Variants in EXOC3 observed in about 807,000 individuals in gnomAD.
EXOC3 encodes the protein SEC6-like 1.
A neutral mutation model predicts 73.7 loss-of-function variants in EXOC3; 21 were observed. The ratio of observed to expected loss-of-function variants is 0.29; its 90% CI spans 0.20 to 0.41. The LOEUF (loss-of-function observed/expected upper bound fraction) is 0.41, where lower values mean the gene tolerates loss of function less well. Ranked by LOEUF, EXOC3 falls within the 10% of genes least tolerant of loss-of-function variation. EXOC3 has a pLI of 1.00. For missense variants in EXOC3, 842 were observed against 985.1 expected (o/e 0.85, Z 1.95); for synonymous variants, 410 against 389.1 (o/e 1.05, Z -0.63).
chr5:452,986 G>A (rs1398760028), intron 3 of EXOC3, among the ~76,000 whole-genome samples: 1 of 152,234 alleles, frequency 6.6e-6, no homozygotes, highest in Non-Finnish European at 1.5e-5. Context: ...TCTGTGGTCA[G>A]AAGCAGCAGT....
chr5:451,387 A>C (rs544541553), intron 3 of EXOC3, among the ~76,000 whole-genome samples: 1 of 152,362 alleles, frequency 6.6e-6, no homozygotes, highest in Admixed American at 6.5e-5. Flanking sequence ...TCATGTGTCC[A>C]AAATCATAGA....
rs780523422 is a variant in EXOC3, at chr5:453,984, G to A, written c.979G>A (p.Ala327Thr). The A allele has an allele frequency of 5.0e-6, 8 of 1,613,714 alleles. No homozygotes were observed. Among genetic ancestry groups the A allele is most frequent in the East Asian group, 2.2e-5 (1 of 44,866 alleles). ...QALSTRMQDL[A>T]SEDLEANEIV... ...CCTGAGCACGCGGATGCAGGACCTCGCATCGGAAGACCTGGAAGCCAATGA... is the reference window on the plus strand; with the variant it reads ...CCTGAGCACGCGGATGCAGGACCTCACATCGGAAGACCTGGAAGCCAATGA... Residue 327 changes from alanine (A) to threonine (T), a missense_variant, in exon 4 of 13, where the codon GCA (alanine) becomes ACA (threonine). By Grantham distance (58) the Ala-to-Thr change is moderately conservative. Coordinates refer to ENST00000512944, the MANE Select transcript of EXOC3 (RefSeq NM_007277.5).
At position 465,573 on chromosome 5, in the gene EXOC3, C is replaced by T. The variant is rs772458830; in HGVS notation, c.1939-145C>T. The stretch of plus-strand genomic sequence containing the variant: ...CTCGCCCTCACCCCAGACCCCTGGC[C>T]CTGTCACTGAGCTTTCAGAGTAGAT... On this transcript the variant is annotated intron_variant, in intron 11 of 12. Transcript: ENST00000512944. 275 of 1,059,296 alleles carry T rather than the reference C, an allele frequency of 2.6e-4. 1 individual carries two copies. The highest frequency in any genetic ancestry group is 1.7e-3 in the Admixed American group (76 of 43,682). 65.6% of individuals were successfully genotyped at this position (1,059,296 alleles called of 1,614,324 possible).
At chr5:461,863 G>C in intron 7 of EXOC3, 97 bp from the exon 8 acceptor site, 1 of 753,268 alleles carries the variant, frequency 1.3e-6, no homozygotes, top group Non-Finnish European at 2.3e-6. Flanking sequence ...AGATGTTAGT[G>C]ATGTGAAATT....
rs1196319558 is a variant in EXOC3 at position 467,197 on chromosome 5, G to C, written c.*299G>C. On this transcript the variant is annotated 3_prime_UTR_variant, in exon 13 of 13. Coordinates refer to ENST00000512944, the MANE Select transcript of EXOC3 (RefSeq NM_007277.5). ...GGGCACAGAGGACGTGCACCTCCCTGCCCTCCTCCTCCCTGGGCCTTCACC... is the reference window on the plus strand; with the variant it reads ...GGGCACAGAGGACGTGCACCTCCCTCCCCTCCTCCTCCCTGGGCCTTCACC... The C allele has an allele frequency of 2.7e-6, 1 of 371,192 alleles. No individual in the cohort carries two copies. The allele number at this position is 371,192 out of a possible 1,614,324, so 23.0% of individuals were successfully genotyped here. A position where few individuals can be genotyped will look rare whatever the true frequency, so the allele number is the denominator to read the frequency against.
Position 459,391 on chromosome 5 carries a change from G to A in EXOC3, c.1323G>A (p.Gln441=), listed in dbSNP as rs1390648270. The change falls in exon 7 of 13, where the codon CAG becomes CAA. Residue 441 remains glutamine (Q), a synonymous_variant. Coordinates refer to ENST00000512944, the MANE Select transcript of EXOC3 (RefSeq NM_007277.5). ...AACAGAATCTTCAAGTTGCTGCTCA[G>A]ATAAGTGAAGATTTGAAAACAAAGG... ...MFEQNLQVAA[Q]ISEDLKTKVL... 1 of 1,570,798 alleles carries A rather than the reference G, an allele frequency of 6.4e-7. No individual in the cohort carries two copies. The highest frequency in any genetic ancestry group is 8.7e-7 in the Non-Finnish European group (1 of 1,154,454).
chr5:452,335 T>C (rs867069181), intron 3 of EXOC3, among the ~76,000 whole-genome samples: 4 of 152,252 alleles, frequency 2.6e-5, no homozygotes, highest in South Asian at 2.1e-4. Context: ...AGTGAATTTT[T>C]CATTTCATTT....
intron 7 of EXOC3, 116 bp from the exon 8 acceptor site, chr5:461,844 C>T (rs567941689): frequency 1.0e-5 from 7 of 676,164 alleles, no homozygotes; most frequent in East Asian, 8.2e-5. Context: ...TTTAGAGGCT[C>T]ATCCGGTCAG....
chr5:446,428 A>C, intron 2 of EXOC3, 79 bp downstream of exon 2: 1 of 1,368,384 alleles, frequency 7.3e-7, no homozygotes, highest in Non-Finnish European at 9.8e-7. Flanking sequence ...GATTTTGCTA[A>C]ACTAGCCTTT....
intron 7 of EXOC3, chr5:461,673 C>T: frequency 2.5e-6 from 1 of 408,152 alleles, no homozygotes; most frequent in South Asian, 3.0e-5. Context: ...CACTGCAGCG[C>T]AGCCAGCAGC....
chr5:452,627 G>A (rs543205344), intron 3 of EXOC3, among the ~76,000 whole-genome samples: 2 of 152,308 alleles, frequency 1.3e-5, no homozygotes, highest in African/African-American at 4.8e-5. Context: ...ATCGAATAAT[G>A]TGATAACTCT....
intron 3 of EXOC3, among the ~76,000 whole-genome samples, chr5:448,791 A>G (rs116066848): frequency 0.13 from 19,071 of 152,192 alleles, 1,597 homozygotes; most frequent in Non-Finnish European, 0.19. Flanking sequence ...ATTGCCGAGC[A>G]CCTTGTCCCG....
In EXOC3 at chr5:447,516, G is replaced by C. The variant is rs1304465898; in HGVS notation, c.145-17G>C. 3.3e-6 allele frequency: 5 copies of C among 1,524,094 alleles called. No homozygotes were observed. In the South Asian group the frequency reaches 4.9e-5, roughly 15 times the overall value. The allele number at this position is 1,524,094 out of a possible 1,614,324, so 94.4% of individuals were successfully genotyped here. A position where few individuals can be genotyped will look rare whatever the true frequency, so the allele number is the denominator to read the frequency against. On this transcript the variant is annotated splice_polypyrimidine_tract_variant and intron_variant, in intron 2 of 12. Transcript: ENST00000512944. ...GCTATCATTGGCTCTGCTCACCCGT[G>C]TGGCGTCTCTCTTTAGGCCGCCATC... is the stretch of plus-strand genomic sequence containing the variant.
chr5:453,446 C>G lies in EXOC3; in HGVS notation c.441C>G (p.Asp147Glu), dbSNP rs777228376. 1.2e-6 allele frequency: 2 copies of G among 1,611,484 alleles called. No homozygotes were observed. Among genetic ancestry groups the G allele is most frequent in the Admixed American group, 3.4e-5 (2 of 59,590 alleles). Residue 147 changes from aspartate to glutamate, a missense_variant, in exon 4 of 13, where the codon GAC (aspartate) becomes GAG (glutamate). Asp to Glu is a conservative substitution (Grantham distance 45, BLOSUM62 2). Transcript: ENST00000512944. The stretch of plus-strand genomic sequence containing the variant: ...TGCAAGCCCACCGGAAGCTGATGGA[C>G]CTGGAGTGCTCCCGGGACGGGCTGA... ...ALLQAHRKLM[D>E]LECSRDGLMY...
At position 453,860 on chromosome 5, in the gene EXOC3, C is replaced by T. The variant is rs376240114; in HGVS notation, c.855C>T (p.Tyr285=). 2.2e-5 allele frequency: 35 copies of T among 1,613,762 alleles called. No homozygotes were observed. Among genetic ancestry groups the T allele is most frequent in the African/African-American group, 9.3e-5 (7 of 74,894 alleles). The change falls in exon 4 of 13, where the codon TAC becomes TAT. Residue 285 remains tyrosine (Y), a synonymous_variant. Transcript: ENST00000512944. ...LVRHLEIIRK[Y]VLDDLIVAKN... Reference sequence around the variant, plus strand: ...GCCACCTGGAAATTATAAGGAAGTACGTCCTGGATGACCTCATTGTCGCCA... The same window carrying T: ...GCCACCTGGAAATTATAAGGAAGTATGTCCTGGATGACCTCATTGTCGCCA...
chr5:462,172 T>C lies in EXOC3; in HGVS notation c.1518T>C (p.Ser506=). ...NCQTFKESIV[S]LKRKYLKNEV... Reference sequence around the variant, plus strand: ...TTCCTTGCAGGGAATCCATAGTCAGTTTAAAAAGAAAGTATTTAAAGAATG... The same window carrying C: ...TTCCTTGCAGGGAATCCATAGTCAGCTTAAAAAGAAAGTATTTAAAGAATG... The change falls in exon 9 of 13, where the codon AGT becomes AGC. Residue 506 remains serine, a synonymous_variant. Coordinates refer to ENST00000512944, the MANE Select transcript of EXOC3 (RefSeq NM_007277.5). 6.2e-7 allele frequency: 1 copy of C among 1,613,886 alleles called. No individual in the cohort carries two copies. The highest frequency in any genetic ancestry group is 1.3e-5 in the African/African-American group (1 of 75,036).
intron 1 of EXOC3, among the ~76,000 whole-genome samples, chr5:444,328 CAT>C: frequency 6.6e-6 from 1 of 152,234 alleles, no homozygotes; most frequent in East Asian, 1.9e-4. Flanking sequence ...CCCTTTTCCA[CAT>C]GAGTAGCTTT....
intron 11 of EXOC3, 81 bp downstream of exon 11, chr5:465,353 GTAGA>G (rs1738111963): frequency 7.0e-7 from 1 of 1,435,470 alleles, no homozygotes; most frequent in African/African-American, 1.4e-5. Flanking sequence ...ACTCGGGCCA[GTAGA>G]TGGGAGTGTG....
chr5:466,155 G>A (rs2087294236), intron 12 of EXOC3: 1 of 380,596 alleles, frequency 2.6e-6, no homozygotes, highest in Non-Finnish European at 4.8e-6. Context: ...GCTGTGGAGT[G>A]GCCTCAGTGG....
Sources: allele counts gnomAD v4.1 joint callset (sites outside exome capture counted in the v4.1 genomes callset), GRCh38; gene constraint gnomAD v4.1.1; transcripts MANE v1.5; gene names NCBI Gene and HGNC (gene_info 2026-07-23, HGNC 2026-07-21).